The following TMEFF2 variants were observed in gnomAD, a reference collection of about 807,000 sequenced individuals.
The protein encoded by TMEFF2 is tomoregulin-2.
TMEFF2 carries 28 observed loss-of-function variants against 53.8 expected under a neutral mutation model. The observed-to-expected ratio is 0.52, with a 90% confidence interval of 0.39 to 0.71. The LOEUF (loss-of-function observed/expected upper bound fraction) is 0.71, where lower values mean the gene tolerates loss of function less well. Among genes scored for constraint, TMEFF2 ranks in the 30% least tolerant of loss-of-function variants. The pLI is 0.00. For missense variants in TMEFF2, 353 were observed against 455.2 expected (o/e 0.78, Z 2.04); for synonymous variants, 162 against 166.3 (o/e 0.97, Z 0.20).
intron 5 of TMEFF2, among the ~76,000 whole-genome samples, chr2:192,021,382 A>AAAAATGAGAAGATATAG (rs1424843968): frequency 6.6e-6 from 1 of 152,190 alleles, no homozygotes; most frequent in South Asian, 2.1e-4. Context: ...AAAAAGTAAG[A>AAAAATGAGAAGATATAG]AAAATGAGAA....
chr2:192,032,380 A>G (rs1294441498), intron 5 of TMEFF2: 2 of 152,206 alleles, frequency 1.3e-5, no homozygotes, highest in African/African-American at 2.4e-5. Flanking sequence ...CATTTTACTC[A>G]TGGACATGAG....
intron 4 of TMEFF2, among the ~76,000 whole-genome samples, chr2:192,166,611 C>G (rs77923149): frequency 0.015 from 2,246 of 152,124 alleles, 34 homozygotes; most frequent in East Asian, 0.08. Context: ...TACCTCTAGT[C>G]TAAGGCTCAG....
intron 4 of TMEFF2, among the ~76,000 whole-genome samples, chr2:192,072,057 T>C (rs1287670887): frequency 2.0e-5 from 3 of 151,802 alleles, no homozygotes; most frequent in Non-Finnish European, 4.4e-5. Flanking sequence ...GGTTTGAAAA[T>C]ACAGTATGAA....
In TMEFF2 at chr2:192,093,049, A is replaced by G. The variant is rs375324771; in HGVS notation, c.440-35274T>C. On this transcript the variant is annotated intron_variant, in intron 4 of 9. Transcript: ENST00000272771. ...AGACCCCCAAATTAAGAGTTTAATT[A>G]GAAACCTTCTCTTGATATTTCTCCA... 5.3e-5 allele frequency among the ~76,000 whole-genome samples: 8 copies of G among 152,322 alleles called. No individual in the cohort carries two copies. The East Asian group carries it at 1.4e-3, about 26-fold the overall frequency.
At chr2:191,982,716 T>TATC (rs1173489838) in intron 7 of TMEFF2, among the ~76,000 whole-genome samples, 6 of 152,192 alleles carry the variant, frequency 3.9e-5, no homozygotes, top group African/African-American at 1.4e-4. Flanking sequence ...CATATTTTTC[T>TATC]ATCAAAATTT....
chr2:191,978,749 T>A (rs1032757233), intron 7 of TMEFF2, among the ~76,000 whole-genome samples: 1 of 152,186 alleles, frequency 6.6e-6, no homozygotes, highest in East Asian at 1.9e-4. Context: ...TGCAGTCAGC[T>A]CTTCCTGGTA....
At chr2:191,987,029 T>C (rs930697799) in intron 7 of TMEFF2, among the ~76,000 whole-genome samples, 2 of 152,058 alleles carry the variant, frequency 1.3e-5, no homozygotes, top group African/African-American at 2.4e-5. Flanking sequence ...CCTCATCTAA[T>C]ATGTACTTTC....
At chr2:192,187,332 C>T (rs1691339237) in intron 2 of TMEFF2, among the ~76,000 whole-genome samples, 1 of 152,140 alleles carries the variant, frequency 6.6e-6, no homozygotes, top group African/African-American at 2.4e-5. Context: ...TTGTAATACT[C>T]ACTTATACAA....
intron 4 of TMEFF2, among the ~76,000 whole-genome samples, chr2:192,134,786 C>T (rs967077604): frequency 6.6e-6 from 1 of 152,188 alleles, no homozygotes; most frequent in Non-Finnish European, 1.5e-5. Context: ...TTCTGTCAGA[C>T]ATAATTCCTC....
At chr2:192,128,006 A>G (rs1689719551) in intron 4 of TMEFF2, among the ~76,000 whole-genome samples, 1 of 152,142 alleles carries the variant, frequency 6.6e-6, no homozygotes, top group African/African-American at 2.4e-5. Context: ...ACACAATTCT[A>G]CTGTGCAAGG....
In TMEFF2 at chr2:191,955,003, G is replaced by A. The variant is rs571213074; in HGVS notation, c.870-1166C>T. ...CCATCAGGAAGGGTTTAATAATAAT[G>A]ACACTGCTGGGGAGTGAGGGGGTAG... On this transcript the variant is annotated intron_variant, in intron 8 of 9. Coordinates refer to ENST00000272771, the MANE Select transcript of TMEFF2 (RefSeq NM_016192.4). Among the ~76,000 whole-genome samples the A allele has an allele frequency of 5.9e-5, 9 of 152,056 alleles. No homozygotes were observed. The East Asian group carries it at 1.7e-3, about 29-fold the overall frequency.
chr2:192,090,886 C>T (rs774802288), intron 4 of TMEFF2, among the ~76,000 whole-genome samples: 12 of 152,094 alleles, frequency 7.9e-5, no homozygotes, highest in Non-Finnish European at 1.2e-4. Context: ...CTTCATTGCT[C>T]TGACAAGAAG....
At chr2:192,058,393 A>AT (rs1159696683) in intron 4 of TMEFF2, among the ~76,000 whole-genome samples, 1 of 152,150 alleles carries the variant, frequency 6.6e-6, no homozygotes, top group Admixed American at 6.5e-5. Context: ...AATCACAGTG[A>AT]TTCATTGTTA....
At chr2:192,092,378 A>G (rs1688809858) in intron 4 of TMEFF2, among the ~76,000 whole-genome samples, 1 of 152,168 alleles carries the variant, frequency 6.6e-6, no homozygotes. Context: ...TGGTACACAA[A>G]GATACTTTAT....
chr2:192,048,879 G>A (rs1451340349), intron 5 of TMEFF2, among the ~76,000 whole-genome samples: 1 of 152,150 alleles, frequency 6.6e-6, no homozygotes, highest in East Asian at 1.9e-4. Flanking sequence ...CTTAAGTCTA[G>A]TAACATTCTC....
chr2:192,105,869 C>T (rs1689133918), intron 4 of TMEFF2, among the ~76,000 whole-genome samples: 1 of 151,884 alleles, frequency 6.6e-6, no homozygotes, highest in Non-Finnish European at 1.5e-5. Context: ...GAGAATGCAA[C>T]TTGTGTCAGA....
intron 2 of TMEFF2, among the ~76,000 whole-genome samples, chr2:192,187,883 A>G (rs1300655896): frequency 6.6e-6 from 1 of 152,162 alleles, no homozygotes; most frequent in African/African-American, 2.4e-5. Context: ...CATGGGATTT[A>G]TTGCTTGTTT....
At chr2:192,167,308 C>T (rs1221348504) in intron 4 of TMEFF2, among the ~76,000 whole-genome samples, 2 of 152,090 alleles carry the variant, frequency 1.3e-5, no homozygotes, top group African/African-American at 4.8e-5. Flanking sequence ...CTGCCTGGAA[C>T]ACATTTTTCT....
At chr2:191,964,129 T>G (rs1692346635) in intron 7 of TMEFF2, among the ~76,000 whole-genome samples, 1 of 152,150 alleles carries the variant, frequency 6.6e-6, no homozygotes, top group Non-Finnish European at 1.5e-5. Flanking sequence ...ATCATTTGTG[T>G]TTGATGACTC....
Sources: gnomAD v4.1 joint callset for allele counts (sites outside exome capture counted in the v4.1 genomes callset) on GRCh38, gnomAD v4.1.1 for gene constraint, MANE v1.5 for transcripts, NCBI Gene and HGNC (gene_info 2026-07-23, HGNC 2026-07-21) for gene names.